Variants in SNAP91 observed in about 807,000 individuals in gnomAD.
SNAP91 encodes synaptosome associated protein 91.
Under a neutral mutation model 100.3 loss-of-function variants are expected in SNAP91, and 27 were observed. The observed-to-expected ratio is 0.27, with a 90% CI of 0.20 to 0.37. SNAP91 has a LOEUF of 0.37. SNAP91 is among the 10% of genes least tolerant of loss of function. The pLI, the probability that SNAP91 is intolerant of heterozygous loss-of-function variation, is 1.00. For missense variants in SNAP91, 986 were observed against 1,123.7 expected (o/e 0.88, Z 1.75); for synonymous variants, 404 against 398.6 (o/e 1.01, Z -0.16).
intron 7 of SNAP91, among the ~76,000 whole-genome samples, chr6:83,643,049 T>G (rs548803385): frequency 9.5e-4 from 144 of 152,324 alleles, no homozygotes; most frequent in African/African-American, 3.4e-3. Flanking sequence ...TGTTTTTTTC[T>G]TGTAAATTTG....
intron 7 of SNAP91, among the ~76,000 whole-genome samples, chr6:83,651,474 C>T (rs918073802): frequency 7.9e-5 from 12 of 152,106 alleles, no homozygotes; most frequent in African/African-American, 2.9e-4. Context: ...AATATTCTTA[C>T]ATTTCTCTTG....
intron 8 of SNAP91, among the ~76,000 whole-genome samples, chr6:83,635,545 T>G (rs1273504384): frequency 1.3e-5 from 2 of 152,186 alleles, no homozygotes; most frequent in Admixed American, 1.3e-4. Flanking sequence ...TGGTGGATCT[T>G]TTTTCATCCC....
At chr6:83,596,456 A>AT (rs939947743) in intron 16 of SNAP91, among the ~76,000 whole-genome samples, 52 of 151,104 alleles carry the variant, frequency 3.4e-4, no homozygotes, top group African/African-American at 1.0e-3. Context: ...CAGTTGTTTT[A>AT]TTTTTTTTTG....
intron 5 of SNAP91, among the ~76,000 whole-genome samples, chr6:83,659,925 G>A (rs2098504954): frequency 6.6e-6 from 1 of 152,150 alleles, no homozygotes. Context: ...CAGAAGATGA[G>A]ACTGAAGGTT....
At chr6:83,571,191 G>A (rs762920633) in intron 26 of SNAP91, among the ~76,000 whole-genome samples, 49 of 151,484 alleles carry the variant, frequency 3.2e-4, no homozygotes, top group Non-Finnish European at 4.7e-4. Context: ...TGCAACCTGC[G>A]CCTCCCAGGT....
chr6:83,593,595 G>A lies in SNAP91; in HGVS notation c.1579C>T (p.Pro527Ser). 1 of 1,579,584 alleles carries A rather than the reference G, an allele frequency of 6.3e-7. No homozygotes were observed. The highest frequency in any genetic ancestry group is 2.3e-5 in the East Asian group (1 of 42,820). ...PVPATAPSPAPAVAAAAAATT... is the reference protein window; with the variant it reads ...PVPATAPSPASAVAAAAAATT... Reference sequence around the variant, plus strand: ...GCAGCAGCAGCAGCTGCAACGGCAGGAGCAGGAGAAGGAGCAGTTGCGGGA... The same window carrying A: ...GCAGCAGCAGCAGCTGCAACGGCAGAAGCAGGAGAAGGAGCAGTTGCGGGA... The change falls in exon 18 of 30, where the codon CCT (proline) becomes TCT (serine). Residue 527 changes from proline to serine, a missense_variant. Coordinates refer to ENST00000369694, the MANE Select transcript of SNAP91 (RefSeq NM_001242792.2).
chr6:83,559,903 T>G (rs1054329591), intron 28 of SNAP91, among the ~76,000 whole-genome samples: 3 of 152,150 alleles, frequency 2.0e-5, no homozygotes, highest in African/African-American at 7.2e-5. Context: ...AATGGAGGGA[T>G]CTTTAGACAG....
At chr6:83,609,030 A>G (rs949548221) in intron 12 of SNAP91, among the ~76,000 whole-genome samples, 11 of 152,194 alleles carry the variant, frequency 7.2e-5, no homozygotes, top group Non-Finnish European at 5.9e-5. Context: ...TTAAAAGCCA[A>G]TGCATGTAAA....
chr6:83,567,483 A>G lies in SNAP91; in HGVS notation c.2443-6536T>C, dbSNP rs1308515797. Among the ~76,000 whole-genome samples, 4 of 152,224 alleles carry G rather than the reference A, an allele frequency of 2.6e-5. No individual in the cohort carries two copies. The East Asian group carries it at 7.7e-4, about 29-fold the overall frequency. ...AAAACACCAAAAGCAATGGCAACAA[A>G]AGCCAAAATTGACAAATGGGATCAA... On this transcript the variant is annotated intron_variant, in intron 26 of 29. Transcript: ENST00000369694.
chr6:83,677,595 TA>T (rs1276422814), intron 2 of SNAP91, among the ~76,000 whole-genome samples: 2 of 152,210 alleles, frequency 1.3e-5, no homozygotes, highest in African/African-American at 4.8e-5. Context: ...TGGAAATTTA[TA>T]TTTTTGTCTT....
chr6:83,678,144 GT>G (rs1432344402), intron 2 of SNAP91, among the ~76,000 whole-genome samples: 3 of 152,162 alleles, frequency 2.0e-5, no homozygotes, highest in East Asian at 1.9e-4. Flanking sequence ...CAGCCTTGAG[GT>G]TTTTTTCTTT....
intron 12 of SNAP91, 138 bp downstream of exon 12, chr6:83,610,512 A>G: frequency 1.1e-5 from 3 of 263,864 alleles, no homozygotes; most frequent in Admixed American, 5.4e-5. Flanking sequence ...AAGATAAAAA[A>G]AAAAGTTCCG....
intron 2 of SNAP91, among the ~76,000 whole-genome samples, chr6:83,668,918 T>G (rs565458951): frequency 4.6e-5 from 7 of 152,122 alleles, no homozygotes; most frequent in Middle Eastern, 3.4e-3. Flanking sequence ...TATTATTAAG[T>G]TGAAAATGCA....
chr6:83,558,775 T>C (rs1782667302), intron 28 of SNAP91, among the ~76,000 whole-genome samples: 2 of 152,226 alleles, frequency 1.3e-5, no homozygotes, highest in South Asian at 2.1e-4. Flanking sequence ...TGCTCTAGTT[T>C]GTAAAGCATG....
At chr6:83,585,235 ATGG>A (rs894159617) in intron 22 of SNAP91, among the ~76,000 whole-genome samples, 8 of 152,172 alleles carry the variant, frequency 5.3e-5, no homozygotes, top group Admixed American at 2.6e-4. Flanking sequence ...TTAGCTGGGT[ATGG>A]TGGTTCATGC....
At position 83,576,063 on chromosome 6, in the gene SNAP91, G is replaced by T; in HGVS notation, c.2300-10C>A. On this transcript the variant is annotated splice_polypyrimidine_tract_variant and intron_variant, in intron 24 of 29. Coordinates refer to ENST00000369694, the MANE Select transcript of SNAP91 (RefSeq NM_001242792.2). ...CCAGAAATTCCAAGATCTATAAATG[G>T]ATAAAAGAAAAAAGAATGTAAATCT... The T allele has an allele frequency of 7.6e-7, 1 of 1,313,766 alleles. No homozygotes were observed. The highest frequency in any genetic ancestry group is 1.0e-6 in the Non-Finnish European group (1 of 952,586). The allele number at this position is 1,313,766 out of a possible 1,614,324, so 81.4% of individuals were successfully genotyped here.
intron 17 of SNAP91, 70 bp downstream of exon 17, chr6:83,594,304 C>T (rs1245360900): frequency 8.7e-7 from 1 of 1,148,320 alleles, no homozygotes; most frequent in African/African-American, 1.5e-5. Context: ...AAACATATGG[C>T]CTCTTCTAAC....
chr6:83,639,153 C>T (rs2097575340), intron 8 of SNAP91, among the ~76,000 whole-genome samples: 1 of 152,120 alleles, frequency 6.6e-6, no homozygotes, highest in South Asian at 2.1e-4. Context: ...TTTTGAAAAT[C>T]ATATTCTAGA....
intron 26 of SNAP91, among the ~76,000 whole-genome samples, chr6:83,573,305 C>T (rs36195644): frequency 6.6e-6 from 1 of 152,026 alleles, no homozygotes; most frequent in Admixed American, 6.6e-5. Flanking sequence ...TGAAAGAGGA[C>T]ACAAACAAAT....
Sources: allele counts gnomAD v4.1 joint callset (sites outside exome capture counted in the v4.1 genomes callset), GRCh38; gene constraint gnomAD v4.1.1; transcripts MANE v1.5; gene names NCBI Gene and HGNC (gene_info 2026-07-23, HGNC 2026-07-21).